ANKRD44: variants seen among roughly 807,000 people sequenced by gnomAD.
The protein encoded by ANKRD44 is ankyrin repeat domain 44, also known as serine/threonine-protein phosphatase 6 regulatory ankyrin repeat subunit B.
ANKRD44 carries 35 observed loss-of-function variants against 116.0 expected under a neutral mutation model. The ratio of observed to expected loss-of-function variants is 0.30; its 90% CI spans 0.23 to 0.40. The LOEUF (loss-of-function observed/expected upper bound fraction) is 0.40. Ranked by LOEUF, ANKRD44 falls within the 10% of genes least tolerant of loss-of-function variation. The pLI is 1.00. For synonymous variants in ANKRD44, 435 were observed against 461.8 expected (o/e 0.94, Z 0.74); for missense variants, 1,014 against 1,242.6 (o/e 0.82, Z 2.77).
At chr2:197,103,844 C>T (rs73051315) in intron 9 of ANKRD44, among the ~76,000 whole-genome samples, 8,415 of 152,060 alleles carry the variant, frequency 0.055, 454 homozygotes, top group African/African-American at 0.13. Flanking sequence ...TGTGTGCATG[C>T]GTGTGTAGAA....
Position 197,000,428 on chromosome 2 carries a change from T to C in ANKRD44, c.2510A>G (p.Asp837Gly), listed in dbSNP as rs770311673. The change falls in exon 23 of 28, where the codon GAC (aspartate) becomes GGC (glycine). Residue 837 changes from aspartate to glycine, a missense_variant. By Grantham distance (94) the Asp-to-Gly change is moderately conservative. Transcript: ENST00000282272. ...GTTTTAGATTACTTACCTGCCTTTG[T>C]CATCTCTACAACTGACGATACTGGA... ...IDSSIVSCRDDKGRTPLHAAA... is the reference protein window; with the variant it reads ...IDSSIVSCRDGKGRTPLHAAA... 1 of 1,613,920 alleles carries C rather than the reference T, an allele frequency of 6.2e-7. No homozygotes were observed. Among genetic ancestry groups the C allele is most frequent in the Non-Finnish European group, 8.5e-7 (1 of 1,179,842 alleles).
At chr2:197,217,014 G>C (rs2081462640) in intron 1 of ANKRD44, among the ~76,000 whole-genome samples, 1 of 152,032 alleles carries the variant, frequency 6.6e-6, no homozygotes, top group African/African-American at 2.4e-5. Flanking sequence ...AAAGCTCCCA[G>C]ACAAAATCAC....
chr2:197,129,294 C>G (rs1226945091), intron 4 of ANKRD44, among the ~76,000 whole-genome samples: 1 of 152,068 alleles, frequency 6.6e-6, no homozygotes, highest in Admixed American at 6.6e-5. Context: ...CCACCACGTC[C>G]AGCTAATTTT....
intron 9 of ANKRD44, among the ~76,000 whole-genome samples, chr2:197,110,240 G>A (rs1427857894): frequency 6.6e-6 from 1 of 152,152 alleles, no homozygotes; most frequent in Non-Finnish European, 1.5e-5. Flanking sequence ...GCCTCCCAAA[G>A]TGCCTGGGAT....
intron 16 of ANKRD44, among the ~76,000 whole-genome samples, chr2:197,031,150 G>A (rs986850203): frequency 6.6e-6 from 1 of 150,906 alleles, no homozygotes; most frequent in Non-Finnish European, 1.5e-5. Context: ...CATAAGTGTT[G>A]AATGACACTA....
At chr2:197,045,142 T>C (rs2076979381) in intron 16 of ANKRD44, among the ~76,000 whole-genome samples, 1 of 152,010 alleles carries the variant, frequency 6.6e-6, no homozygotes, top group Admixed American at 6.6e-5. Context: ...AGTTGGGCTA[T>C]ACAAGCTTGT....
intron 1 of ANKRD44, among the ~76,000 whole-genome samples, chr2:197,200,240 T>C (rs1048702620): frequency 9.2e-4 from 140 of 152,136 alleles, no homozygotes; most frequent in African/African-American, 3.3e-3. Context: ...AGCCATAATA[T>C]TCTAGGAGCC....
At chr2:197,004,401 T>C (rs1013325281) in intron 21 of ANKRD44, among the ~76,000 whole-genome samples, 1 of 152,188 alleles carries the variant, frequency 6.6e-6, no homozygotes, top group Non-Finnish European at 1.5e-5. Context: ...CATTCATTCA[T>C]ATCACATTCT....
chr2:197,252,989 C>T (rs1289302696), intron 1 of ANKRD44, among the ~76,000 whole-genome samples: 3 of 152,182 alleles, frequency 2.0e-5, no homozygotes, highest in African/African-American at 7.2e-5. Flanking sequence ...GATCACGTGG[C>T]ATCCACTATC....
At chr2:197,195,774 T>C (rs2080934945) in intron 1 of ANKRD44, among the ~76,000 whole-genome samples, 1 of 152,182 alleles carries the variant, frequency 6.6e-6, no homozygotes, top group Non-Finnish European at 1.5e-5. Flanking sequence ...AATCATAACA[T>C]TTCAAAAATA....
chr2:197,085,159 T>C (rs1049308335), intron 13 of ANKRD44, among the ~76,000 whole-genome samples: 14 of 152,222 alleles, frequency 9.2e-5, no homozygotes, highest in Admixed American at 9.2e-4. Flanking sequence ...TATTTTATAG[T>C]CAACTTATGG....
At chr2:196,998,467 C>T (rs1335132968) in intron 24 of ANKRD44, 48 bp from the exon 25 acceptor site, 3 of 1,365,972 alleles carry the variant, frequency 2.2e-6, no homozygotes, top group Non-Finnish European at 3.1e-6. Context: ...ATGCTAATTA[C>T]ATGCATTTTG....
At chr2:197,276,106 T>C (rs2083074060) in intron 1 of ANKRD44, among the ~76,000 whole-genome samples, 1 of 151,660 alleles carries the variant, frequency 6.6e-6, no homozygotes. Context: ...TGAAACCCTG[T>C]CTCTAGTAAA....
intron 17 of ANKRD44, among the ~76,000 whole-genome samples, chr2:197,020,065 C>T (rs771955574): frequency 2.8e-4 from 42 of 152,138 alleles, no homozygotes; most frequent in Non-Finnish European, 4.3e-4. Flanking sequence ...ATCCACCTGC[C>T]TTGCCCTCCC....
chr2:197,021,475 T>G (rs1334081686), intron 17 of ANKRD44, among the ~76,000 whole-genome samples: 1 of 152,234 alleles, frequency 6.6e-6, no homozygotes, highest in East Asian at 1.9e-4. Flanking sequence ...GTTTCCTGAC[T>G]TTTTAATGAT....
chr2:197,088,716 TGCA>T lies in ANKRD44; in HGVS notation c.1239_1241del (p.Ala414del). ...TAGAATTGGTAACTACTCACCCTCCTGCAGCAGCAGCATGAAGGCACGTTCTTC... is the reference window on the plus strand; with the variant it reads ...TAGAATTGGTAACTACTCACCCTCCTGCAGCAGCATGAAGGCACGTTCTTC... On this transcript the variant is annotated inframe_deletion, in exon 12 of 28. Coordinates refer to ENST00000282272, the MANE Select transcript of ANKRD44 (RefSeq NM_001195144.2). 1 of 1,610,978 alleles carries T rather than the reference TGCA, an allele frequency of 6.2e-7. No individual in the cohort carries two copies. Among genetic ancestry groups the T allele is most frequent in the Non-Finnish European group, 8.5e-7 (1 of 1,177,846 alleles).
chr2:197,289,281 A>C (rs560590054), intron 1 of ANKRD44, among the ~76,000 whole-genome samples: 11 of 152,244 alleles, frequency 7.2e-5, no homozygotes, highest in Admixed American at 6.5e-4. Flanking sequence ...CCAAGTGTTG[A>C]CAAGGATGTG....
chr2:197,206,866 G>T (rs2081219526), intron 1 of ANKRD44, among the ~76,000 whole-genome samples: 1 of 152,176 alleles, frequency 6.6e-6, no homozygotes, highest in Admixed American at 6.5e-5. Context: ...AAGAGTTATT[G>T]CAAGGCCAGT....
intron 1 of ANKRD44, among the ~76,000 whole-genome samples, chr2:197,248,542 A>G (rs1021190715): frequency 8.0e-5 from 11 of 136,882 alleles, no homozygotes; most frequent in Admixed American, 8.0e-5. Context: ...TATATATTAT[A>G]CATATATGTA....
Sources: allele counts gnomAD v4.1 joint callset (sites outside exome capture counted in the v4.1 genomes callset), GRCh38; gene constraint gnomAD v4.1.1; transcripts MANE v1.5; gene names NCBI Gene and HGNC (gene_info 2026-07-23, HGNC 2026-07-21).